DPF3: variants seen among roughly 807,000 people sequenced by gnomAD.
DPF3 encodes the protein double PHD fingers 3.
Under a neutral mutation model 56.8 loss-of-function variants are expected in DPF3, and 18 were observed. The ratio of observed to expected loss-of-function variants is 0.32; its 90% CI spans 0.22 to 0.47. DPF3 has a LOEUF of 0.47. Ranked by LOEUF, DPF3 falls within the 20% of genes least tolerant of loss-of-function variation. The pLI is 1.00. For synonymous variants in DPF3, 188 were observed against 180.2 expected, an observed-to-expected ratio of 1.04 and a Z score of -0.35; for missense variants, 403 against 488.8, an observed-to-expected ratio of 0.82 and a Z score of 1.65.
intron 1 of DPF3, among the ~76,000 whole-genome samples, chr14:72,870,994 T>G (rs1312308187): frequency 2.0e-5 from 2 of 100,972 alleles, no homozygotes; most frequent in Non-Finnish European, 2.1e-5. Flanking sequence ...CTTAAAGTCC[T>G]CAGAATCATG....
chr14:72,783,392 A>G (rs6574096), intron 1 of DPF3, among the ~76,000 whole-genome samples: 97,721 of 151,940 alleles, frequency 0.64, 32,249 homozygotes, highest in East Asian at 0.79. Flanking sequence ...TCACTCAACA[A>G]AAAAATGAAA....
intron 3 of DPF3, among the ~76,000 whole-genome samples, chr14:72,734,750 GGAT>G (rs1199883600): frequency 6.6e-6 from 1 of 152,224 alleles, no homozygotes. Flanking sequence ...CCACACAGCA[GGAT>G]GAGAATGCAG....
intron 2 of DPF3, among the ~76,000 whole-genome samples, chr14:72,759,115 G>T (rs1353446631): frequency 1.3e-5 from 2 of 152,138 alleles, no homozygotes; most frequent in Non-Finnish European, 2.9e-5. Flanking sequence ...GTATTTTTAA[G>T]ACTCAAATTT....
rs1316175906 is a variant in DPF3, at chr14:72,884,953, T to TATATATATATATATATATATATATATAC, written c.32+9103_32+9104insGTATATATATATATATATATATATATAT. 2.0e-3 allele frequency among the ~76,000 whole-genome samples: 148 copies of TATATATATATATATATATATATATATAC among 73,750 alleles called. 11 individuals are homozygous for TATATATATATATATATATATATATATAC. The highest frequency in any genetic ancestry group is 6.6e-3 in the Middle Eastern group (1 of 152). The allele number at this position is 73,750 out of a possible 152,430, so 48.4% of individuals were successfully genotyped here. On this transcript the variant is annotated intron_variant, in intron 1 of 10. Coordinates refer to ENST00000556509, the MANE Select transcript of DPF3 (RefSeq NM_001280542.3). ...CTACTAAAAATACTATATATATATA[T>TATATATATATATATATATATATATATAC]ATATATATATATATATATTAGCCGG...
rs138285379 is a variant in DPF3 at position 72,776,399 on chromosome 14, G to C, written c.33-4506C>G. Among the ~76,000 whole-genome samples the C allele has an allele frequency of 7.4e-3, 1,126 of 152,226 alleles. 13 individuals are homozygous for C. Among genetic ancestry groups the C allele is most frequent in the South Asian group, 0.025 (120 of 4,822 alleles). ...GTTCTAGGGGGCTTTGTGAGTGATG[G>C]AGGTACTTCTGTGATCCCATCTGAA... On this transcript the variant is annotated intron_variant, in intron 1 of 10. Coordinates refer to ENST00000556509, the MANE Select transcript of DPF3 (RefSeq NM_001280542.3).
rs74062325 is a variant in DPF3 at position 72,643,872 on chromosome 14, C to G, written c.872-14136G>C. Among the ~76,000 whole-genome samples the G allele has an allele frequency of 6.7e-3, 1,026 of 152,302 alleles. 8 individuals carry two copies. The highest frequency in any genetic ancestry group is 0.024 in the African/African-American group (987 of 41,564). On this transcript the variant is annotated intron_variant, in intron 8 of 10. Coordinates refer to ENST00000556509, the MANE Select transcript of DPF3 (RefSeq NM_001280542.3). The stretch of plus-strand genomic sequence containing the variant: ...CAAAAGAGCACACAGGAAGGATCCC[C>G]TTTTTGTCATCACAAGACTATACTA...
rs933726007 is a variant in DPF3, at chr14:72,618,085, A to G, written c.*1212T>C. On this transcript the variant is annotated 3_prime_UTR_variant, in exon 11 of 11. Transcript: ENST00000556509. ...TTTTTTTTGAAAACAAGAGTCCTGC[A>G]TGTTTGGGGAGCTTAGGAGACAAGA... 5.3e-5 allele frequency among the ~76,000 whole-genome samples: 8 copies of G among 151,872 alleles called. No individual in the cohort carries two copies. Among genetic ancestry groups the G allele is most frequent in the African/African-American group, 1.7e-4 (7 of 41,326 alleles).
chr14:72,891,056 A>G (rs916698533), intron 1 of DPF3, among the ~76,000 whole-genome samples: 2 of 152,198 alleles, frequency 1.3e-5, no homozygotes, highest in Non-Finnish European at 2.9e-5. Flanking sequence ...TTGGGACCCT[A>G]AGGAAAACCC....
chr14:72,797,385 T>A (rs1892687711), intron 1 of DPF3, among the ~76,000 whole-genome samples: 1 of 152,314 alleles, frequency 6.6e-6, no homozygotes, highest in East Asian at 1.9e-4. Context: ...CCATTAAGCT[T>A]TATGGTGTTT....
At position 72,723,141 on chromosome 14, in the gene DPF3, T is replaced by A. The variant is rs189141096; in HGVS notation, c.525+492A>T. ...ATGTTGGTGTGCTGCACCTATTAAC[T>A]CGTAATTTAATATTAGGTATATCTC... On this transcript the variant is annotated intron_variant, in intron 5 of 10. Transcript: ENST00000556509. Among the ~76,000 whole-genome samples the A allele has an allele frequency of 1.5e-3, 228 of 152,078 alleles. 2 individuals are homozygous for A. Among genetic ancestry groups the A allele is most frequent in the Admixed American group, 0.013 (205 of 15,278 alleles).
chr14:72,786,325 C>A (rs1194968749), intron 1 of DPF3, among the ~76,000 whole-genome samples: 3 of 152,086 alleles, frequency 2.0e-5, no homozygotes, highest in Non-Finnish European at 2.9e-5. Context: ...CGGGACATAC[C>A]GAGGCAGAGC....
intron 1 of DPF3, among the ~76,000 whole-genome samples, chr14:72,827,603 A>G (rs1328534883): frequency 6.8e-6 from 1 of 146,602 alleles, no homozygotes; most frequent in Non-Finnish European, 1.5e-5. Context: ...CAGCCTCCCA[A>G]GTAGCTGGGA....
At chr14:72,665,833 T>C (rs1331112924) in intron 8 of DPF3, among the ~76,000 whole-genome samples, 2 of 152,246 alleles carry the variant, frequency 1.3e-5, no homozygotes, top group Non-Finnish European at 2.9e-5. Flanking sequence ...ATTTGAAGAA[T>C]CTGGGTGAAG....
intron 8 of DPF3, among the ~76,000 whole-genome samples, chr14:72,634,205 G>T (rs1885317078): frequency 6.6e-6 from 1 of 152,152 alleles, no homozygotes; most frequent in South Asian, 2.1e-4. Flanking sequence ...CTCAGCCAGG[G>T]AGGGTGAGAC....
intron 6 of DPF3, among the ~76,000 whole-genome samples, chr14:72,707,980 C>T (rs187379598): frequency 1.4e-4 from 22 of 152,196 alleles, no homozygotes; most frequent in African/African-American, 5.1e-4. Flanking sequence ...TAATGAAAAG[C>T]ACCTCTACAA....
At chr14:72,808,518 C>T (rs185940293) in intron 1 of DPF3, among the ~76,000 whole-genome samples, 31 of 152,214 alleles carry the variant, frequency 2.0e-4, no homozygotes, top group African/African-American at 3.6e-4. Flanking sequence ...GCTTGCAGGA[C>T]GTAAAATGCC....
rs1394316141 is a variant in DPF3, at chr14:72,764,521, G to A, written c.193+7212C>T. ...TTTTTTTTTTTTTTTTTTTGAGGCG[G>A]AATGTCGCCCAGGCTGGAGTGCAGT... On this transcript the variant is annotated intron_variant, in intron 2 of 10. Transcript: ENST00000556509. Among the ~76,000 whole-genome samples the A allele has an allele frequency of 6.5e-5, 7 of 108,074 alleles. No individual in the cohort carries two copies. In the South Asian group the frequency reaches 2.4e-3, roughly 37 times the overall value. The allele number at this position is 108,074 out of a possible 152,430, so 70.9% of individuals were successfully genotyped here. A position where few individuals can be genotyped will look rare whatever the true frequency, so the allele number is the denominator to read the frequency against.
chr14:72,719,602 T>G (rs995084177), intron 5 of DPF3, among the ~76,000 whole-genome samples: 2 of 152,206 alleles, frequency 1.3e-5, no homozygotes, highest in East Asian at 3.8e-4. Context: ...AATACTCACA[T>G]GGATGACTCA....
chr14:72,655,171 C>A (rs954278227), intron 8 of DPF3, among the ~76,000 whole-genome samples: 1 of 152,190 alleles, frequency 6.6e-6, no homozygotes. Flanking sequence ...CTTGCTACTT[C>A]TTTAAATCAA....
Sources: allele counts gnomAD v4.1 joint callset (sites outside exome capture counted in the v4.1 genomes callset), GRCh38; gene constraint gnomAD v4.1.1; transcripts MANE v1.5; gene names NCBI Gene and HGNC (gene_info 2026-07-23, HGNC 2026-07-21).